Variants in FILIP1 observed in about 807,000 individuals in gnomAD.
FILIP1 encodes filamin-A-interacting protein 1.
FILIP1 carries 61 observed loss-of-function variants against 102.1 expected under a neutral mutation model. The ratio of observed to expected loss-of-function variants is 0.60; its 90% CI spans 0.49 to 0.74. The LOEUF (loss-of-function observed/expected upper bound fraction) is 0.74, where lower values mean the gene tolerates loss of function less well. Among genes scored for constraint, FILIP1 ranks in the 30% least tolerant of loss-of-function variants. The pLI, the probability that FILIP1 is intolerant of heterozygous loss-of-function variation, is 0.00. For synonymous variants in FILIP1, 491 were observed against 526.9 expected (o/e 0.93, Z 0.93); for missense variants, 1,314 against 1,441.2 (o/e 0.91, Z 1.43).
chr6:75,449,298 T>C (rs1437409745), intron 1 of FILIP1, among the ~76,000 whole-genome samples: 1 of 151,982 alleles, frequency 6.6e-6, no homozygotes, highest in South Asian at 2.1e-4. Flanking sequence ...GGCATAAGAA[T>C]GATACAATGG....
intron 3 of FILIP1, among the ~76,000 whole-genome samples, chr6:75,355,353 C>T (rs1339895688): frequency 1.3e-5 from 2 of 151,706 alleles, no homozygotes; most frequent in African/African-American, 4.8e-5. Context: ...AATATTATTA[C>T]CAGGTCTTTG....
intron 3 of FILIP1, among the ~76,000 whole-genome samples, chr6:75,357,815 G>T (rs1444794309): frequency 6.6e-6 from 1 of 152,182 alleles, no homozygotes; most frequent in Non-Finnish European, 1.5e-5. Context: ...AACAGAGGTA[G>T]CCTATTTTCT....
At chr6:75,308,000 G>C, downstream of FILIP1, 4 of 969,816 alleles carry the variant, frequency 4.1e-6, no homozygotes, top group Non-Finnish European at 4.9e-6. Flanking sequence ...TAAAATTATT[G>C]CCTAAGAAAT....
At chr6:75,374,660 A>T (rs1360929480) in intron 2 of FILIP1, among the ~76,000 whole-genome samples, 1 of 152,180 alleles carries the variant, frequency 6.6e-6, no homozygotes, top group African/African-American at 2.4e-5. Flanking sequence ...AATCACAGGC[A>T]CGAGTCACTG....
At chr6:75,491,077 A>C (rs1283562446) in intron 1 of FILIP1, among the ~76,000 whole-genome samples, 3 of 152,152 alleles carry the variant, frequency 2.0e-5, no homozygotes, top group Non-Finnish European at 4.4e-5. Context: ...TAATTCTAAC[A>C]GAGCACCAAG....
intron 1 of FILIP1, among the ~76,000 whole-genome samples, chr6:75,486,674 C>T (rs1343321319): frequency 1.3e-5 from 2 of 152,072 alleles, no homozygotes; most frequent in African/African-American, 4.8e-5. Context: ...AGTTATTTAA[C>T]ATTTATAACC....
intron 2 of FILIP1, among the ~76,000 whole-genome samples, chr6:75,364,771 C>A (rs563440163): frequency 3.9e-5 from 6 of 152,290 alleles, no homozygotes; most frequent in Admixed American, 3.9e-4. Context: ...GACATAGCAA[C>A]TAAATTGAAT....
At chr6:75,466,310 A>C (rs1418940011) in intron 1 of FILIP1, among the ~76,000 whole-genome samples, 1 of 152,372 alleles carries the variant, frequency 6.6e-6, no homozygotes, top group South Asian at 2.1e-4. Context: ...TGTAAACTCC[A>C]GAAGGGAAAT....
At chr6:75,413,604 A>C (rs541504470) in intron 2 of FILIP1, among the ~76,000 whole-genome samples, 1 of 152,180 alleles carries the variant, frequency 6.6e-6, no homozygotes, top group South Asian at 2.1e-4. Flanking sequence ...GTAGGTTGCC[A>C]ATTACCTCAC....
intron 2 of FILIP1, among the ~76,000 whole-genome samples, chr6:75,403,441 G>C (rs1776725172): frequency 6.6e-6 from 1 of 151,060 alleles, no homozygotes; most frequent in Non-Finnish European, 1.5e-5. Flanking sequence ...CTTGAGTTCA[G>C]GAGATTGAGG....
intron 1 of FILIP1, among the ~76,000 whole-genome samples, chr6:75,438,628 T>A (rs1369599139): frequency 1.3e-5 from 2 of 151,918 alleles, no homozygotes; most frequent in Non-Finnish European, 2.9e-5. Flanking sequence ...TGCAATTGGA[T>A]TAGGCTAAAA....
intron 4 of FILIP1, among the ~76,000 whole-genome samples, chr6:75,318,641 C>G (rs975826536): frequency 4.6e-5 from 7 of 152,060 alleles, no homozygotes; most frequent in African/African-American, 1.7e-4. Context: ...CAACTTTTTT[C>G]TTTGCAATTA....
chr6:75,327,847 C>G (rs998837654), intron 4 of FILIP1, among the ~76,000 whole-genome samples: 2 of 151,840 alleles, frequency 1.3e-5, no homozygotes, highest in African/African-American at 2.4e-5. Context: ...CAGTGTTTCT[C>G]AAAAAGAGAC....
intron 2 of FILIP1, chr6:75,398,948 C>A (rs1776557741): frequency 1.3e-5 from 2 of 152,134 alleles, no homozygotes; most frequent in South Asian, 4.1e-4. Context: ...AATGAAGCAA[C>A]TGATTTCACA....
At chr6:75,350,018 C>T (rs534417208) in intron 4 of FILIP1, among the ~76,000 whole-genome samples, 3 of 151,988 alleles carry the variant, frequency 2.0e-5, no homozygotes, top group South Asian at 4.2e-4. Flanking sequence ...TTCGCTGCCC[C>T]GGGAACTCGG....
chr6:75,409,557 C>T (rs751891108), intron 2 of FILIP1, among the ~76,000 whole-genome samples: 9 of 152,042 alleles, frequency 5.9e-5, no homozygotes. Context: ...AAAACTAACC[C>T]CTTCCTTGCT....
intron 4 of FILIP1, chr6:75,319,813 G>C (rs1321307727): frequency 8.5e-6 from 3 of 351,482 alleles, no homozygotes; most frequent in East Asian, 1.4e-4. Flanking sequence ...CTGGGCAACA[G>C]AGCAAGACTC....
chr6:75,383,544 T>C (rs772309019), intron 2 of FILIP1, among the ~76,000 whole-genome samples: 2 of 152,198 alleles, frequency 1.3e-5, no homozygotes, highest in African/African-American at 2.4e-5. Flanking sequence ...GAAACGTATA[T>C]GCTACATCCT....
chr6:75,376,491 C>T (rs1414313135), intron 2 of FILIP1, among the ~76,000 whole-genome samples: 3 of 152,266 alleles, frequency 2.0e-5, no homozygotes, highest in Admixed American at 6.5e-5. Context: ...TATGTGACCT[C>T]GGGCCAGTTA....
Sources: allele counts gnomAD v4.1 joint callset (sites outside exome capture counted in the v4.1 genomes callset), GRCh38; gene constraint gnomAD v4.1.1; transcripts MANE v1.5; gene names NCBI Gene and HGNC (gene_info 2026-07-23, HGNC 2026-07-21).